KCNK16: variants seen among roughly 807,000 people sequenced by gnomAD.
KCNK16 encodes the protein potassium two pore domain channel subfamily K member 16.
A neutral mutation model predicts 23.0 loss-of-function variants in KCNK16; 23 were observed. The observed-to-expected ratio is 1.00, with a 90% CI of 0.72 to 1.41. KCNK16 has a LOEUF of 1.41. KCNK16 is among the 40% of genes most tolerant of loss of function. The pLI, the probability that KCNK16 is intolerant of heterozygous loss-of-function variation, is 0.00. For synonymous variants in KCNK16, 145 were observed against 153.5 expected (o/e 0.94, Z 0.41); for missense variants, 327 against 365.8 (o/e 0.89, Z 0.87).
Position 39,317,942 on chromosome 6 carries a change from G to T in KCNK16, c.339C>A (p.Asn113Lys). 1.2e-6 allele frequency: 2 copies of T among 1,606,364 alleles called. No individual in the cohort carries two copies. Among genetic ancestry groups the T allele is most frequent in the Non-Finnish European group, 1.7e-6 (2 of 1,175,798 alleles). The change falls in exon 3 of 5, where the codon AAC becomes AAA. Residue 113 changes from asparagine to lysine, a missense_variant. By Grantham distance (94) the Asn-to-Lys change is moderately conservative. Transcript: ENST00000437525. Reference sequence around the variant, plus strand: ...GACCTGCCTCTGTGCTGGGTGCCAGGTTCCCATATCCTGCAAGGGAAGGGG... The same window carrying T: ...GACCTGCCTCTGTGCTGGGTGCCAGTTTCCCATATCCTGCAAGGGAAGGGG... Reference protein sequence around the residue: ...GTVVTTIGYGNLAPSTEAGQV... With the variant: ...GTVVTTIGYGKLAPSTEAGQV...
rs977826066 is a variant in KCNK16, at chr6:39,322,537, G to C, written c.4C>G (p.Pro2Ala). Residue 2 changes from proline to alanine, a missense_variant, in exon 1 of 5, where the codon CCC (proline) becomes GCC (alanine). Pro to Ala is a conservative substitution (Grantham distance 27). Coordinates refer to ENST00000437525, the MANE Select transcript of KCNK16 (RefSeq NM_001135106.2). Reference protein sequence around the residue: MPSAGLCSCWGG... With the variant: MASAGLCSCWGG... ...CAGCAGCTGCAGAGCCCAGCACTGG[G>C]CATGCTGTGGCCAGGACCCTGCCAG... The C allele has an allele frequency of 8.2e-6, 13 of 1,594,046 alleles. No homozygotes were observed. Among genetic ancestry groups the C allele is most frequent in the Admixed American group, 7.0e-5 (4 of 57,514 alleles).
chr6:39,317,513 G>A (rs1762363027), intron 3 of KCNK16, among the ~76,000 whole-genome samples: 1 of 152,222 alleles, frequency 6.6e-6, no homozygotes, highest in South Asian at 2.1e-4. Flanking sequence ...GTGCCTGATT[G>A]AGGCAGGTAT....
chr6:39,318,755 C>T (rs1051456379), intron 2 of KCNK16, among the ~76,000 whole-genome samples: 3 of 152,282 alleles, frequency 2.0e-5, no homozygotes, highest in East Asian at 1.9e-4. Flanking sequence ...TCTTGTCCCT[C>T]GCTGGACCGT....
chr6:39,321,475 A>C (rs991695596), intron 1 of KCNK16, among the ~76,000 whole-genome samples: 2 of 152,194 alleles, frequency 1.3e-5, no homozygotes, highest in Non-Finnish European at 2.9e-5. Context: ...TGATGAGTGG[A>C]TCATGATTGG....
At chr6:39,318,924 T>C (rs1762418250) in intron 2 of KCNK16, 95 bp downstream of exon 2, 2 of 851,376 alleles carry the variant, frequency 2.3e-6, no homozygotes, top group African/African-American at 1.7e-5. Flanking sequence ...AATAATCTCC[T>C]AGACAAACCA....
In KCNK16 at chr6:39,322,666, A is replaced by G; in HGVS notation, c.-126T>C. 1.5e-6 allele frequency: 2 copies of G among 1,366,856 alleles called. No individual in the cohort carries two copies. The highest frequency in any genetic ancestry group is 2.9e-5 in the South Asian group (2 of 67,990). The allele number at this position is 1,366,856 out of a possible 1,614,324, so 84.7% of individuals were successfully genotyped here. ...CCTGCCCTGCCCTCCTCCTCGGCAC[A>G]GGTGTCTGGAGGCTGGGGAGACTGT... On this transcript the variant is annotated 5_prime_UTR_variant, in exon 1 of 5. Transcript: ENST00000437525.
In KCNK16 at chr6:39,319,063, A is replaced by C. The variant is rs775571313; in HGVS notation, c.284T>G (p.Phe95Cys). 5 of 1,614,100 alleles carry C rather than the reference A, an allele frequency of 3.1e-6. No individual in the cohort carries two copies. Among genetic ancestry groups the C allele is most frequent in the Non-Finnish European group, 4.2e-6 (5 of 1,179,994 alleles). The change falls in exon 2 of 5, where the codon TTT (phenylalanine) becomes TGT (cysteine). Residue 95 changes from phenylalanine to cysteine, a missense_variant. By Grantham distance (205) the Phe-to-Cys change is radical (BLOSUM62 -2). Coordinates refer to ENST00000437525, the MANE Select transcript of KCNK16 (RefSeq NM_001135106.2). The surrounding 1 kb of genome is among the most constrained non-coding windows in gnomAD (Gnocchi z 4.2). ...GNSTNPSNWD[F>C]GSSFFFAGTV... The stretch of plus-strand genomic sequence containing the variant: ...GCCTGCAAAGAAGAAACTGCTGCCA[A>C]AGTCCCAGTTGCTGGGGTTGGTAGA...
In KCNK16 at chr6:39,322,634, G is replaced by C; in HGVS notation, c.-94C>G. The C allele has an allele frequency of 2.7e-6, 4 of 1,470,822 alleles. 1 individual carries two copies. The South Asian group carries it at 5.4e-5, about 20-fold the overall frequency. 91.1% of individuals were successfully genotyped at this position (1,470,822 alleles called of 1,614,324 possible). On this transcript the variant is annotated 5_prime_UTR_variant, in exon 1 of 5. Transcript: ENST00000437525. Reference sequence around the variant, plus strand: ...TAAGCACCTAGGGGCCTGTGCCCAGGCTGCCGCCTGCCCTGCCCTCCTCCT... The same window carrying C: ...TAAGCACCTAGGGGCCTGTGCCCAGCCTGCCGCCTGCCCTGCCCTCCTCCT...
chr6:39,316,962 G>C lies in KCNK16; in HGVS notation c.496-15C>G, dbSNP rs757104704. On this transcript the variant is annotated splice_polypyrimidine_tract_variant and intron_variant, in intron 3 of 4. Transcript: ENST00000437525. Reference sequence around the variant, plus strand: ...ACTTGCAGTACCTAGGAGGGAGGGAGTTGGCCTCTGAGTCCACTTGAAAGT... The same window carrying C: ...ACTTGCAGTACCTAGGAGGGAGGGACTTGGCCTCTGAGTCCACTTGAAAGT... 60 of 1,601,134 alleles carry C rather than the reference G, an allele frequency of 3.7e-5. No individual in the cohort carries two copies. In the Middle Eastern group the frequency reaches 7.2e-4, roughly 19 times the overall value.
downstream of KCNK16, chr6:39,315,083 G>A: frequency 6.2e-7 from 1 of 1,613,524 alleles, no homozygotes; most frequent in Non-Finnish European, 8.5e-7. Context: ...AGCCTCTCCT[G>A]GGTCTCCTGC....
At chr6:39,318,359 C>A (rs1163863563) in intron 2 of KCNK16, among the ~76,000 whole-genome samples, 1 of 152,218 alleles carries the variant, frequency 6.6e-6, no homozygotes, top group Non-Finnish European at 1.5e-5. Flanking sequence ...TCACCCCCAA[C>A]TCCATCACTC....
At chr6:39,316,569 G>T (rs1238005996) in intron 4 of KCNK16, 127 bp from the exon 5 acceptor site, 1 of 1,292,306 alleles carries the variant, frequency 7.7e-7, no homozygotes, top group Middle Eastern at 2.7e-4. Context: ...AGCAGTTGAG[G>T]TAGGTCTCTG....
At chr6:39,320,249 A>T (rs74948169) in intron 1 of KCNK16, among the ~76,000 whole-genome samples, 3,257 of 152,308 alleles carry the variant, frequency 0.021, 64 homozygotes, top group Non-Finnish European at 0.028. Context: ...CTGGCCTCTT[A>T]AGATGTGGAC....
At chr6:39,320,589 C>T (rs1469509904) in intron 1 of KCNK16, among the ~76,000 whole-genome samples, 1 of 152,244 alleles carries the variant, frequency 6.6e-6, no homozygotes, top group Non-Finnish European at 1.5e-5. Context: ...TCCAGAATCT[C>T]ACCCCAGTGT....
chr6:39,315,152 A>G, downstream of KCNK16: 1 of 1,614,248 alleles, frequency 6.2e-7, no homozygotes, highest in Non-Finnish European at 8.5e-7. Flanking sequence ...ACCCAGCCAC[A>G]TAGGAGCCCA....
Position 39,319,045 on chromosome 6 carries a change from A to G in KCNK16, c.302T>C (p.Phe101Ser), listed in dbSNP as rs374346625. ...TATGGTAGTGACGACTGTGCCTGCA[A>G]AGAAGAAACTGCTGCCAAAGTCCCA... ...SNWDFGSSFF[F>S]AGTVVTTIGY... Residue 101 changes from phenylalanine to serine, a missense_variant, in exon 2 of 5, where the codon TTT becomes TCT. Physicochemically the swap from Phe to Ser is radical, Grantham distance 155. Transcript: ENST00000437525. This position sits in a 1 kb window ranked among gnomAD's most constrained non-coding sequence, Gnocchi z 4.2. 6.2e-7 allele frequency: 1 copy of G among 1,613,948 alleles called. No individual in the cohort carries two copies. The highest frequency in any genetic ancestry group is 8.5e-7 in the Non-Finnish European group (1 of 1,179,856).
chr6:39,318,061 A>G, intron 2 of KCNK16, 109 bp from the exon 3 acceptor site: 1 of 1,083,948 alleles, frequency 9.2e-7, no homozygotes. Flanking sequence ...GGGGGTGAGA[A>G]GGGGAAGCTC....
At chr6:39,315,293 G>C (rs1244745377), downstream of KCNK16, 5 of 1,566,150 alleles carry the variant, frequency 3.2e-6, no homozygotes, top group Non-Finnish European at 8.7e-7. Context: ...ATGCATTCCT[G>C]AGAGAGGCCA....
At chr6:39,320,413 G>A (rs566714966) in intron 1 of KCNK16, among the ~76,000 whole-genome samples, 253 of 152,356 alleles carry the variant, frequency 1.7e-3, no homozygotes, top group African/African-American at 5.7e-3. Flanking sequence ...TGCTGAGGGT[G>A]CTGAGTGCCG....
Sources: gnomAD v4.1 joint callset for allele counts (sites outside exome capture counted in the v4.1 genomes callset) on GRCh38, gnomAD v4.1.1 for gene constraint, Gnocchi (gnomAD v3.1) non-coding constraint, MANE v1.5 for transcripts, NCBI Gene and HGNC (gene_info 2026-07-23, HGNC 2026-07-21) for gene names.